ZFYVE26: variants seen among roughly 807,000 people sequenced by gnomAD.
ZFYVE26 encodes the protein zinc finger FYVE-type containing 26, also known as zinc finger FYVE domain-containing protein 26.
ZFYVE26 carries 181 observed loss-of-function variants against 276.5 expected under a neutral mutation model. The observed-to-expected ratio is 0.65, with a 90% CI of 0.58 to 0.74. The LOEUF (loss-of-function observed/expected upper bound fraction) is 0.74. Ranked by LOEUF, ZFYVE26 falls within the 30% of genes least tolerant of loss-of-function variation. ZFYVE26 has a pLI of 0.00. For missense variants in ZFYVE26, 2,821 were observed against 3,097.9 expected (o/e 0.91, Z 2.12); for synonymous variants, 1,129 against 1,203.1 (o/e 0.94, Z 1.27).
At chr14:67,804,926 G>A (rs934853435) in intron 8 of ZFYVE26, among the ~76,000 whole-genome samples, 1 of 152,328 alleles carries the variant, frequency 6.6e-6, no homozygotes, top group Non-Finnish European at 1.5e-5. Flanking sequence ...TCCATGTAAA[G>A]GGCTTAGAAC....
chr14:67,796,584 T>C (rs2039957885), intron 12 of ZFYVE26: 1 of 152,180 alleles, frequency 6.6e-6, no homozygotes, highest in South Asian at 2.1e-4. Flanking sequence ...AATTTGGTCA[T>C]TACACATTTT....
rs111295015 is a variant in ZFYVE26, at chr14:67,732,873, GC to G, written n.2680-3055del. On this transcript the variant is annotated intron_variant and non_coding_transcript_variant, in intron 13 of 14. Coordinates refer to the ZFYVE26 transcript ENST00000394455. ...TGGGATTACAGGTGTGAGCCACCGT[GC>G]CCAGCCGTGATAGGCTTTTCTTCTT... Among the ~76,000 whole-genome samples the G allele has an allele frequency of 1.0e-3, 158 of 152,264 alleles. 2 individuals are homozygous for G. Among genetic ancestry groups the G allele is most frequent in the African/African-American group, 3.5e-3 (146 of 41,562 alleles).
At chr14:67,759,104 G>T (rs1450770028) in intron 35 of ZFYVE26, among the ~76,000 whole-genome samples, 1 of 151,756 alleles carries the variant, frequency 6.6e-6, no homozygotes, top group Non-Finnish European at 1.5e-5. Context: ...AATTAGCCAG[G>T]TATGGTGGCG....
In ZFYVE26 at chr14:67,796,095, G is replaced by A. The variant is rs540734754; in HGVS notation, c.2332+1577C>T. The A allele has an allele frequency of 3.3e-5, 5 of 152,298 alleles. No homozygotes were observed. In the South Asian group the frequency reaches 1.0e-3, roughly 32 times the overall value. The allele number at this position is 152,298 out of a possible 1,614,324, so 9.4% of individuals were successfully genotyped here. Reference sequence around the variant, plus strand: ...AATAGGAGGGAGAGAAGGATGGGGAGAGGGTGATTAATGAATATAAAATCA... The same window carrying A: ...AATAGGAGGGAGAGAAGGATGGGGAAAGGGTGATTAATGAATATAAAATCA... On this transcript the variant is annotated intron_variant, in intron 12 of 41. Coordinates refer to ENST00000347230, the MANE Select transcript of ZFYVE26 (RefSeq NM_015346.4).
chr14:67,777,876 C>T (rs2039388897), intron 24 of ZFYVE26, 141 bp from the exon 25 acceptor site: 2 of 1,221,068 alleles, frequency 1.6e-6, no homozygotes, highest in Admixed American at 4.0e-5. Flanking sequence ...TTTTAACCAC[C>T]TCTGTAGTTT....
At position 67,761,524 on chromosome 14, in the gene ZFYVE26, G is replaced by A. The variant is rs1186188619; in HGVS notation, c.6430C>T (p.Leu2144Phe). 4.3e-6 allele frequency: 7 copies of A among 1,614,098 alleles called. No individual in the cohort carries two copies. Among genetic ancestry groups the A allele is most frequent in the Non-Finnish European group, 5.9e-6 (7 of 1,180,046 alleles). ...ELEATLRTQS[L>F]SLAVIPEGKI... ...CCTTCAGGAATCACTGCCAGAGAAA[G>A]GCTCTGCGTCCGAAGGGTAGCTTCC... The change falls in exon 35 of 42, where the codon CTT becomes TTT. Residue 2144 changes from leucine to phenylalanine, a missense_variant. Transcript: ENST00000347230.
At chr14:67,733,956 G>A (rs1303794515) in intron 13 of ZFYVE26, 2 of 764,670 alleles carry the variant, frequency 2.6e-6, no homozygotes, top group East Asian at 2.8e-5. Context: ...CTGGTGCTGC[G>A]AATCCTGCCT....
At chr14:67,755,299 A>T in intron 36 of ZFYVE26, 49 bp from the exon 37 acceptor site, 1 of 1,602,972 alleles carries the variant, frequency 6.2e-7, no homozygotes. Flanking sequence ...AGGGGTTTGG[A>T]GGGTGGGGTG....
At chr14:67,782,726 G>A in intron 21 of ZFYVE26, 54 bp downstream of exon 21, 1 of 1,608,308 alleles carries the variant, frequency 6.2e-7, no homozygotes, top group Non-Finnish European at 8.5e-7. Context: ...AATATACCCA[G>A]TGAATACCAA....
chr14:67,784,149 G>C (rs919011530), intron 20 of ZFYVE26, among the ~76,000 whole-genome samples, 185 bp downstream of exon 20: 1 of 152,134 alleles, frequency 6.6e-6, no homozygotes, highest in Non-Finnish European at 1.5e-5. Context: ...ACATGCTAAA[G>C]GTATCGAGAG....
intron 41 of ZFYVE26, among the ~76,000 whole-genome samples, chr14:67,749,604 G>C (rs950983168): frequency 1.3e-5 from 2 of 152,134 alleles, no homozygotes; most frequent in African/African-American, 4.8e-5. Context: ...GACTCGCCTT[G>C]CTTCCTGTAT....
rs2140243442 is a variant in ZFYVE26 at position 67,798,576 on chromosome 14, A to G, written c.1686T>C (p.Tyr562=). ...FSTYLARCQQ[Y]LCSIPDSLCL... is the part of the protein sequence containing the mutation. ...ACAGAGAGTCAGGAATACTGCACAG[A>G]TACTGTTGACACCTGGCCAGGTAAG... Residue 562 remains tyrosine (Y), a synonymous_variant, in exon 11 of 42, where the codon TAT becomes TAC. Transcript: ENST00000347230. 6.2e-7 allele frequency: 1 copy of G among 1,614,142 alleles called. No individual in the cohort carries two copies. Among genetic ancestry groups the G allele is most frequent in the South Asian group, 1.1e-5 (1 of 91,076 alleles).
Position 67,798,114 on chromosome 14 carries a change from T to C in ZFYVE26, c.2148A>G (p.Ser716=). The change falls in exon 11 of 42, where the codon TCA becomes TCG. Residue 716 remains serine, a synonymous_variant. Transcript: ENST00000347230. ...EKPKQESQSC[S]GSRDGLQSRL... ...GGCTCTGCAGTCCATCTCTGCTTCCTGAGCAGCTCTGACTTTCTTGCTTTG... is the reference window on the plus strand; with the variant it reads ...GGCTCTGCAGTCCATCTCTGCTTCCCGAGCAGCTCTGACTTTCTTGCTTTG... 1 of 1,614,210 alleles carries C rather than the reference T, an allele frequency of 6.2e-7. No individual in the cohort carries two copies. Among genetic ancestry groups the C allele is most frequent in the Non-Finnish European group, 8.5e-7 (1 of 1,180,026 alleles).
chr14:67,792,773 A>ATGG (rs1206812985), intron 14 of ZFYVE26, among the ~76,000 whole-genome samples: 1 of 151,728 alleles, frequency 6.6e-6, no homozygotes, highest in Non-Finnish European at 1.5e-5. Flanking sequence ...TTAGCCAGAT[A>ATGG]TGGTGGTGCA....
At position 67,775,851 on chromosome 14, in the gene ZFYVE26, A is replaced by G; in HGVS notation, c.5221+9T>C. ...ATGTAGAATCCCCTTCTAGGATGCT[A>G]GCAGTTACCTGATCGTTTCTCCCTC... On this transcript the variant is annotated intron_variant, in intron 26 of 41. Coordinates refer to ENST00000347230, the MANE Select transcript of ZFYVE26 (RefSeq NM_015346.4). The G allele has an allele frequency of 6.2e-7, 1 of 1,614,198 alleles. No homozygotes were observed. The highest frequency in any genetic ancestry group is 1.1e-5 in the South Asian group (1 of 91,078).
chr14:67,769,005 GTTCATGCTTCTTTGC>G (rs1327533734), intron 29 of ZFYVE26, among the ~76,000 whole-genome samples: 1 of 152,132 alleles, frequency 6.6e-6, no homozygotes, highest in Non-Finnish European at 1.5e-5. Context: ...GGAGTCTTAG[GTTCATGCTTCTTTGC>G]TACTAGAAGT....
exon 14 of ZFYVE26, chr14:67,729,308 G>A: frequency 3.1e-6 from 5 of 1,601,378 alleles, no homozygotes; most frequent in Non-Finnish European, 4.2e-6. Flanking sequence ...AAGACGGCAC[G>A]GGAGGGGGCG....
intron 16 of ZFYVE26, 22 bp downstream of exon 16, chr14:67,789,313 A>T: frequency 6.2e-7 from 1 of 1,613,810 alleles, no homozygotes; most frequent in Non-Finnish European, 8.5e-7. Flanking sequence ...ATGAAGGGAT[A>T]CAGCTAACAC....
Position 67,747,334 on chromosome 14 carries a change from T to C in ZFYVE26, c.*1102A>G, listed in dbSNP as rs1352393012. The C allele has an allele frequency of 6.6e-6, 1 of 152,260 alleles. No homozygotes were observed. The highest frequency in any genetic ancestry group is 1.5e-5 in the Non-Finnish European group (1 of 68,090). 9.4% of individuals were successfully genotyped at this position (152,260 alleles called of 1,614,324 possible). On this transcript the variant is annotated 3_prime_UTR_variant, in exon 42 of 42. Coordinates refer to ENST00000347230, the MANE Select transcript of ZFYVE26 (RefSeq NM_015346.4). Reference sequence around the variant, plus strand: ...GAGGCCCAATTCCAAAGCCAACCCTTGACTCCCTTTTCTAAGACAGAGAAA... The same window carrying C: ...GAGGCCCAATTCCAAAGCCAACCCTCGACTCCCTTTTCTAAGACAGAGAAA...
Sources: gnomAD v4.1 joint callset for allele counts (sites outside exome capture counted in the v4.1 genomes callset) on GRCh38, gnomAD v4.1.1 for gene constraint, MANE v1.5 for transcripts, NCBI Gene and HGNC (gene_info 2026-07-23, HGNC 2026-07-21) for gene names.